Variants in ZZEF1 observed in about 807,000 individuals in gnomAD.
ZZEF1 encodes zinc finger ZZ-type and EF-hand domain-containing protein 1.
A neutral mutation model predicts 342.8 loss-of-function variants in ZZEF1; 157 were observed. That is an observed-to-expected ratio of 0.46 (90% CI 0.40 to 0.52). The LOEUF is 0.52. ZZEF1 is among the 20% of genes least tolerant of loss of function. The pLI is 0.00. For missense variants in ZZEF1, 3,480 were observed against 3,725.6 expected, an observed-to-expected ratio of 0.93 and a Z score of 1.72; for synonymous variants, 1,505 against 1,429.1, an observed-to-expected ratio of 1.05 and a Z score of -1.20.
intron 1 of ZZEF1, among the ~76,000 whole-genome samples, chr17:4,134,209 C>T (rs192247953): frequency 1.1e-3 from 161 of 151,544 alleles, no homozygotes; most frequent in African/African-American, 3.8e-3. Flanking sequence ...AGGTTTGCTA[C>T]CCAGGAGGCT....
At chr17:4,009,255 T>A in intron 53 of ZZEF1, 1 of 558,616 alleles carries the variant, frequency 1.8e-6, no homozygotes, top group Admixed American at 3.1e-5. Flanking sequence ...CCCTTTCAGC[T>A]CCCACATTCA....
intron 7 of ZZEF1, 92 bp downstream of exon 7, chr17:4,105,600 CG>C (rs2034115877): frequency 1.0e-6 from 1 of 987,572 alleles, no homozygotes; most frequent in Non-Finnish European, 1.5e-6. Flanking sequence ...TAGTGGTGAT[CG>C]TTAAAAGATT....
chr17:4,066,140 G>C (rs1463821171), intron 28 of ZZEF1, among the ~76,000 whole-genome samples: 1 of 152,130 alleles, frequency 6.6e-6, no homozygotes, highest in Non-Finnish European at 1.5e-5. Flanking sequence ...CTGCACTCCA[G>C]CCTGGGAGAC....
Position 4,017,840 on chromosome 17 carries a change from C to T in ZZEF1, c.7637G>A (p.Cys2546Tyr). Residue 2546 changes from cysteine to tyrosine, a missense_variant, in exon 47 of 55, where the codon TGC becomes TAC. Cys to Tyr is a radical substitution (Grantham distance 194). Around this residue, in one of 5 missense-constraint regions of ZZEF1, gnomAD observed 1,269 missense variants for 1,342.4 expected, o/e 0.95. Transcript: ENST00000381638. The surrounding 1 kb of genome is among the most constrained non-coding windows in gnomAD (Gnocchi z 5.1). ...AVDTDMIILP[C>Y]LSRPARCDQA... ...GTCCGAGGTCGGGTGACATACCAAG[C>T]ATGGCAGGATAATCATGTCTGTATC... The T allele has an allele frequency of 6.2e-7, 1 of 1,614,172 alleles. No individual in the cohort carries two copies. Among genetic ancestry groups the T allele is most frequent in the Non-Finnish European group, 8.5e-7 (1 of 1,180,032 alleles).
chr17:4,083,581 A>G (rs1040994408), intron 16 of ZZEF1, among the ~76,000 whole-genome samples: 11 of 151,420 alleles, frequency 7.3e-5, no homozygotes, highest in South Asian at 6.3e-4. Flanking sequence ...GGTGTCCCCA[A>G]TTAGACTGCT....
Position 4,142,789 on chromosome 17 carries a change from C to A in ZZEF1, c.107G>T (p.Gly36Val), listed in dbSNP as rs1443670572. ...TAGCGCTGGAGCCGCGACGCCCGGG[C>A]CGGGGGTCGTGCCCGAGACCGCGGC... ...DWAAVSGTTPGPGVAAPALPP... is the reference protein window; with the variant it reads ...DWAAVSGTTPVPGVAAPALPP... The change falls in exon 1 of 55, where the codon GGC (glycine) becomes GTC (valine). Residue 36 changes from glycine to valine, a missense_variant. Physicochemically the swap from Gly to Val is moderately radical, Grantham distance 109. This residue lies in a region of ZZEF1 where 416 missense variants were observed against 374.2 expected (regional missense o/e 1.11). Coordinates refer to ENST00000381638, the MANE Select transcript of ZZEF1 (RefSeq NM_015113.4). 1 of 1,416,320 alleles carries A rather than the reference C, an allele frequency of 7.1e-7. No homozygotes were observed. Among genetic ancestry groups the A allele is most frequent in the Non-Finnish European group, 9.1e-7 (1 of 1,097,062 alleles). 87.7% of individuals were successfully genotyped at this position (1,416,320 alleles called of 1,614,324 possible). A position where few individuals can be genotyped will look rare whatever the true frequency, so the allele number is the denominator to read the frequency against.
At chr17:4,141,688 A>G (rs549897363) in intron 1 of ZZEF1, among the ~76,000 whole-genome samples, 77 of 146,804 alleles carry the variant, frequency 5.2e-4, no homozygotes, top group African/African-American at 1.7e-3. Flanking sequence ...CTGCACATGT[A>G]CGCCTGAATT....
At chr17:4,063,337 C>T (rs1301635071) in intron 29 of ZZEF1, among the ~76,000 whole-genome samples, 1 of 152,056 alleles carries the variant, frequency 6.6e-6, no homozygotes, top group African/African-American at 2.4e-5. Context: ...TGCCTGTAAC[C>T]CTCTGATGCA....
In ZZEF1 at chr17:4,142,730, G is replaced by T; in HGVS notation, c.166C>A (p.Leu56Met). 6.5e-7 allele frequency: 1 copy of T among 1,544,156 alleles called. No individual in the cohort carries two copies. The change falls in exon 1 of 55, where the codon CTG becomes ATG. Residue 56 changes from leucine (L) to methionine (M), a missense_variant. By Grantham distance (15) the Leu-to-Met change is conservative (BLOSUM62 2). Coordinates refer to ENST00000381638, the MANE Select transcript of ZZEF1 (RefSeq NM_015113.4). ...AGCAACGCTGCAGCAGCCTCTCGCA[G>T]CCTGGCCGGCTCCAGCAGCGCCGCG... is the stretch of plus-strand genomic sequence containing the variant. ...PAAALLEPARLREAAAALLPT... is the reference protein window; with the variant it reads ...PAAALLEPARMREAAAALLPT...
intron 26 of ZZEF1, among the ~76,000 whole-genome samples, chr17:4,069,441 G>A (rs980688909): frequency 1.3e-5 from 2 of 152,140 alleles, no homozygotes; most frequent in African/African-American, 4.8e-5. Flanking sequence ...AAGATTTGGG[G>A]ATGTAATCAA....
In ZZEF1 at chr17:4,070,872, T is replaced by G; in HGVS notation, c.3887A>C (p.Gln1296Pro). ...PCRHFLLDFAQSEPAQNFCGP... is the reference protein window; with the variant it reads ...PCRHFLLDFAPSEPAQNFCGP... ...ACAGAAGTTCTGAGCAGGCTCTGAC[T>G]GGGCAAAATCAAGAAGAAAATGGCG... is the stretch of plus-strand genomic sequence containing the variant. The change falls in exon 26 of 55, where the codon CAG becomes CCG. Residue 1296 changes from glutamine (Q) to proline (P), a missense_variant. By Grantham distance (76) the Gln-to-Pro change is moderately conservative. Around this residue, in one of 5 missense-constraint regions of ZZEF1, gnomAD observed 1,528 missense variants for 1,624.1 expected, o/e 0.94. Transcript: ENST00000381638. The G allele has an allele frequency of 6.2e-7, 1 of 1,614,068 alleles. No homozygotes were observed. Among genetic ancestry groups the G allele is most frequent in the Non-Finnish European group, 8.5e-7 (1 of 1,179,996 alleles).
Position 4,110,743 on chromosome 17 carries a change from C to T in ZZEF1, c.1067-880G>A, listed in dbSNP as rs536074308. Among the ~76,000 whole-genome samples the T allele has an allele frequency of 1.1e-4, 14 of 128,854 alleles. No homozygotes were observed. The South Asian group carries it at 3.5e-3, about 32-fold the overall frequency. The allele number at this position is 128,854 out of a possible 152,430, so 84.5% of individuals were successfully genotyped here. ...TTTTTTTTTTTGAGATGGAGTCTTG[C>T]TCTGTTCACCCAGGCTGGAGGAGTG... On this transcript the variant is annotated intron_variant, in intron 5 of 54. Transcript: ENST00000381638.
chr17:4,123,970 C>T lies in ZZEF1; in HGVS notation c.436G>A (p.Ala146Thr), dbSNP rs1451546191. The change falls in exon 2 of 55, where the codon GCT (alanine) becomes ACT (threonine). Residue 146 changes from alanine (A) to threonine (T), a missense_variant. By Grantham distance (58) the Ala-to-Thr change is moderately conservative. Around this residue, in one of 5 missense-constraint regions of ZZEF1, gnomAD observed 416 missense variants for 374.2 expected, o/e 1.11. Coordinates refer to ENST00000381638, the MANE Select transcript of ZZEF1 (RefSeq NM_015113.4). ...MLEALKNSSG[A>T]NLQGELSHII... ...TGGCTCAGCTCCCCCTGAAGATTAG[C>T]TCCACTGGAATTCTTGAGGGCCTCC... The T allele has an allele frequency of 6.2e-7, 1 of 1,614,050 alleles. No homozygotes were observed. The highest frequency in any genetic ancestry group is 1.1e-5 in the South Asian group (1 of 91,078).
At chr17:4,080,036 G>C (rs956190767) in intron 18 of ZZEF1, among the ~76,000 whole-genome samples, 2 of 152,154 alleles carry the variant, frequency 1.3e-5, no homozygotes, top group African/African-American at 4.8e-5. Flanking sequence ...TGGTTTCCTA[G>C]TACAGGGGTG....
chr17:4,118,088 A>G (rs1380915656), intron 2 of ZZEF1, among the ~76,000 whole-genome samples: 1 of 152,218 alleles, frequency 6.6e-6, no homozygotes, highest in Non-Finnish European at 1.5e-5. Flanking sequence ...CCATGAGGCC[A>G]TCGGTACAGG....
chr17:4,116,955 C>CA lies in ZZEF1; in HGVS notation c.694+16_694+17insT. On this transcript the variant is annotated intron_variant, in intron 3 of 54. Transcript: ENST00000381638. ...AATGATCAGAGTATTTTCAGGAGAA[C>CA]CCCCACACACACATACCCTTTTCCT... is the stretch of plus-strand genomic sequence containing the variant. The CA allele has an allele frequency of 6.4e-7, 1 of 1,555,466 alleles. No homozygotes were observed. Among genetic ancestry groups the CA allele is most frequent in the Non-Finnish European group, 8.7e-7 (1 of 1,145,980 alleles).
chr17:4,076,572 C>A, intron 21 of ZZEF1, 65 bp downstream of exon 21: 1 of 1,564,280 alleles, frequency 6.4e-7, no homozygotes. Flanking sequence ...TGGTCCACTT[C>A]ACTAAGTGTG....
In ZZEF1 at chr17:4,016,561, G is replaced by A. The variant is rs1312475302; in HGVS notation, c.8002-95C>T. On this transcript the variant is annotated intron_variant, in intron 48 of 54. Transcript: ENST00000381638. The surrounding 1 kb of genome is among the most constrained non-coding windows in gnomAD (Gnocchi z 4.4). ...ACCCAAGCTCCACCCAAAGGTGCTG[G>A]CATCATCTTAGACCTAGGACGAGCC... The A allele has an allele frequency of 3.4e-6, 5 of 1,458,218 alleles. No individual in the cohort carries two copies. In the African/African-American group the frequency reaches 7.1e-5, roughly 21 times the overall value. 90.3% of individuals were successfully genotyped at this position (1,458,218 alleles called of 1,614,324 possible). A position where few individuals can be genotyped will look rare whatever the true frequency, so the allele number is the denominator to read the frequency against.
At position 4,102,305 on chromosome 17, in the gene ZZEF1, C is replaced by T. The variant is rs1245223183; in HGVS notation, c.1672+12G>A. On this transcript the variant is annotated intron_variant, in intron 9 of 54. Transcript: ENST00000381638. ...ACCGAGCACACTAGAAACAGACAGA[C>T]CCACCACTCACCATCCCTTGTCCAC... 2.5e-6 allele frequency: 4 copies of T among 1,612,066 alleles called. No individual in the cohort carries two copies. Among genetic ancestry groups the T allele is most frequent in the Admixed American group, 3.3e-5 (2 of 59,944 alleles).
Sources: gnomAD v4.1 joint callset for allele counts (sites outside exome capture counted in the v4.1 genomes callset) on GRCh38, gnomAD v4.1.1 for gene constraint, gnomAD v4.1.1 regional missense constraint, Gnocchi (gnomAD v3.1) non-coding constraint, MANE v1.5 for transcripts, NCBI Gene and HGNC (gene_info 2026-07-23, HGNC 2026-07-21) for gene names.